NAA60: variants seen among roughly 807,000 people sequenced by gnomAD.
NAA60 encodes the protein N-alpha-acetyltransferase 60.
NAA60 carries 8 observed loss-of-function variants against 26.1 expected under a neutral mutation model. The ratio of observed to expected loss-of-function variants is 0.31; its 90% CI spans 0.18 to 0.55. NAA60 has a LOEUF of 0.55. NAA60 is among the 20% of genes least tolerant of loss of function. NAA60 has a pLI of 0.93. For synonymous variants in NAA60, 131 were observed against 122.5 expected, an observed-to-expected ratio of 1.07 and a Z score of -0.46; for missense variants, 290 against 311.3, an observed-to-expected ratio of 0.93 and a Z score of 0.51.
intron 2 of NAA60, among the ~76,000 whole-genome samples, chr16:3,459,663 A>G (rs750695997): frequency 1.6e-4 from 25 of 152,218 alleles, no homozygotes; most frequent in Non-Finnish European, 2.2e-4. Flanking sequence ...AGTTGCAGAC[A>G]CTGTGGGTTT....
At chr16:3,482,896 C>T (rs1170259598) in intron 5 of NAA60, 1 of 524,708 alleles carries the variant, frequency 1.9e-6, no homozygotes, top group Non-Finnish European at 3.5e-6. Flanking sequence ...CTTCTGCTGC[C>T]GCCACACGCA....
intron 2 of NAA60, among the ~76,000 whole-genome samples, chr16:3,475,913 G>C (rs1243331550): frequency 2.6e-5 from 4 of 152,260 alleles, no homozygotes; most frequent in African/African-American, 4.8e-5. Flanking sequence ...GTCATAAGAT[G>C]TGAGACCAGT....
chr16:3,480,687 G>A (rs1042127399), intron 4 of NAA60, among the ~76,000 whole-genome samples: 1 of 151,710 alleles, frequency 6.6e-6, no homozygotes, highest in Non-Finnish European at 1.5e-5. Flanking sequence ...GGCAGATCAC[G>A]AGGTCAGGAG....
chr16:3,448,019 A>G (rs999615837), intron 1 of NAA60, among the ~76,000 whole-genome samples: 7 of 152,176 alleles, frequency 4.6e-5, no homozygotes, highest in Non-Finnish European at 8.8e-5. Flanking sequence ...CTCATACTGA[A>G]TAATTATCGT....
intron 5 of NAA60, chr16:3,482,952 C>T (rs1455197740): frequency 4.2e-6 from 2 of 478,982 alleles, no homozygotes; most frequent in East Asian, 7.5e-5. Flanking sequence ...AAAGCGTGAA[C>T]ACGCACGAGG....
chr16:3,447,637 T>A, intron 1 of NAA60: 1 of 985,374 alleles, frequency 1.0e-6, no homozygotes, highest in Non-Finnish European at 1.2e-6. Context: ...AAGATTATCT[T>A]TCTCCCAACT....
At chr16:3,461,269 C>T (rs1176522590) in intron 2 of NAA60, among the ~76,000 whole-genome samples, 2 of 152,104 alleles carry the variant, frequency 1.3e-5, no homozygotes, top group African/African-American at 2.4e-5. Context: ...GGGTCTGAAC[C>T]GGGGGAGCCA....
chr16:3,478,315 A>C (rs904448960), intron 3 of NAA60, among the ~76,000 whole-genome samples: 1 of 152,248 alleles, frequency 6.6e-6, no homozygotes, highest in Non-Finnish European at 1.5e-5. Flanking sequence ...AGCTGCAGTG[A>C]GTGCATAGAT....
In NAA60 at chr16:3,482,581, TCAGGAAG is replaced by T. The variant is rs751041684; in HGVS notation, c.323_329del (p.Arg108ThrfsTer3). The T allele has an allele frequency of 6.8e-6, 11 of 1,606,818 alleles. No homozygotes were observed. Among genetic ancestry groups the T allele is most frequent in the Non-Finnish European group, 9.3e-6 (11 of 1,176,742 alleles). ...CTAAGTCTGGGCGTCGTGAAAGAGT[TCAGGAAG>T]CACGGCATAGGTAAGGGCAGCCGGG... On this transcript the variant is annotated frameshift_variant, in exon 5 of 8. Coordinates refer to ENST00000407558, the MANE Select transcript of NAA60 (RefSeq NM_001083601.3). LOFTEE classifies it high-confidence loss of function.
At chr16:3,469,702 T>C (rs1232627375) in intron 2 of NAA60, among the ~76,000 whole-genome samples, 1 of 152,354 alleles carries the variant, frequency 6.6e-6, no homozygotes, top group Middle Eastern at 3.4e-3. Context: ...GCCTTGCTGC[T>C]CCCTGTTATC....
intron 2 of NAA60, chr16:3,448,877 C>T (rs149990902): frequency 9.0e-4 from 210 of 233,454 alleles, no homozygotes; most frequent in African/African-American, 3.5e-3. Context: ...TAGTGGAGAA[C>T]GAGACTCTCC....
chr16:3,479,646 A>G lies in NAA60; in HGVS notation c.240+46A>G, dbSNP rs761621039. ...AGGACTTGGCAGTCACTGTCATTGGACGGGCCAAGGGGGCTTGCGATGGAA... is the reference window on the plus strand; with the variant it reads ...AGGACTTGGCAGTCACTGTCATTGGGCGGGCCAAGGGGGCTTGCGATGGAA... On this transcript the variant is annotated intron_variant, in intron 4 of 7. Coordinates refer to ENST00000407558, the MANE Select transcript of NAA60 (RefSeq NM_001083601.3). The G allele has an allele frequency of 2.5e-6, 4 of 1,606,894 alleles. No individual in the cohort carries two copies. The African/African-American group carries it at 5.3e-5, about 21-fold the overall frequency.
intron 2 of NAA60, chr16:3,450,025 C>A (rs535608351): frequency 6.6e-5 from 24 of 364,020 alleles, no homozygotes; most frequent in Non-Finnish European, 1.1e-4. Context: ...ACTAATACAT[C>A]GTCTCAAAAA....
chr16:3,451,943 C>A (rs139359923), intron 2 of NAA60, among the ~76,000 whole-genome samples: 3 of 151,192 alleles, frequency 2.0e-5, no homozygotes, highest in East Asian at 4.0e-4. Flanking sequence ...CATGGTGGCT[C>A]ACACCAGTAA....
intron 4 of NAA60, among the ~76,000 whole-genome samples, chr16:3,481,843 A>G (rs948842092): frequency 1.3e-5 from 2 of 152,216 alleles, no homozygotes; most frequent in Admixed American, 1.3e-4. Context: ...GGCTGACCCC[A>G]GCCCAGCACG....
chr16:3,485,662 G>A lies in NAA60; in HGVS notation c.*402G>A. On this transcript the variant is annotated 3_prime_UTR_variant, in exon 8 of 8. Coordinates refer to ENST00000407558, the MANE Select transcript of NAA60 (RefSeq NM_001083601.3). Reference sequence around the variant, plus strand: ...GGAAAGCTGGAGGGGACTTTCTCCTGCAAGGGAGGAACGCAAGTATTATGG... The same window carrying A: ...GGAAAGCTGGAGGGGACTTTCTCCTACAAGGGAGGAACGCAAGTATTATGG... 1 of 456,698 alleles carries A rather than the reference G, an allele frequency of 2.2e-6. No homozygotes were observed. The highest frequency in any genetic ancestry group is 4.4e-6 in the Non-Finnish European group (1 of 226,958). The allele number at this position is 456,698 out of a possible 1,614,324, so 28.3% of individuals were successfully genotyped here. A position where few individuals can be genotyped will look rare whatever the true frequency, so the allele number is the denominator to read the frequency against.
chr16:3,468,258 C>T (rs2035891860), intron 2 of NAA60: 1 of 152,186 alleles, frequency 6.6e-6, no homozygotes, highest in African/African-American at 2.4e-5. Flanking sequence ...ACTTTCAGTT[C>T]TTGATCTGCT....
chr16:3,460,540 A>G (rs1417962401), intron 2 of NAA60, among the ~76,000 whole-genome samples: 1 of 151,756 alleles, frequency 6.6e-6, no homozygotes, highest in Non-Finnish European at 1.5e-5. Context: ...ATTTTTTTGT[A>G]TTTTTGGTGG....
In NAA60 at chr16:3,476,167, A is replaced by G. The variant is rs572715282; in HGVS notation, c.-6-55A>G. Reference sequence around the variant, plus strand: ...TCTGTCTCGCCTGCCTCACAAGCTGAGCATGAGGAAGACCAGGCTGTGAGG... The same window carrying G: ...TCTGTCTCGCCTGCCTCACAAGCTGGGCATGAGGAAGACCAGGCTGTGAGG... On this transcript the variant is annotated intron_variant, in intron 2 of 7. Coordinates refer to ENST00000407558, the MANE Select transcript of NAA60 (RefSeq NM_001083601.3). The G allele has an allele frequency of 5.8e-6, 8 of 1,376,414 alleles. No homozygotes were observed. In the East Asian group the frequency reaches 1.5e-4, roughly 25 times the overall value. 85.3% of individuals were successfully genotyped at this position (1,376,414 alleles called of 1,614,324 possible).
Sources: allele counts gnomAD v4.1 joint callset (sites outside exome capture counted in the v4.1 genomes callset), GRCh38; gene constraint gnomAD v4.1.1; transcripts MANE v1.5; gene names NCBI Gene and HGNC (gene_info 2026-07-23, HGNC 2026-07-21).